RABEP1: variants seen among roughly 807,000 people sequenced by gnomAD.
The protein encoded by RABEP1 is rabaptin, RAB GTPase binding effector protein 1.
A neutral mutation model predicts 123.4 loss-of-function variants in RABEP1; 51 were observed. The observed-to-expected ratio is 0.41, with a 90% CI of 0.33 to 0.52. The LOEUF (loss-of-function observed/expected upper bound fraction) is 0.52. Among genes scored for constraint, RABEP1 ranks in the 20% least tolerant of loss-of-function variants. The pLI is 0.16. For missense variants in RABEP1, 888 were observed against 996.3 expected (o/e 0.89, Z 1.46); for synonymous variants, 347 against 355.2 (o/e 0.98, Z 0.26).
At chr17:5,370,182 T>A (rs1910415115) in intron 12 of RABEP1, among the ~76,000 whole-genome samples, 1 of 152,246 alleles carries the variant, frequency 6.6e-6, no homozygotes, top group Non-Finnish European at 1.5e-5. Context: ...CGTTAGTGCA[T>A]GCTTGCCCTT....
rs766373903 is a variant in RABEP1, at chr17:5,365,185, A to C, written c.1732A>C (p.Lys578Gln). 1 of 1,612,124 alleles carries C rather than the reference A, an allele frequency of 6.2e-7. No individual in the cohort carries two copies. Among genetic ancestry groups the C allele is most frequent in the Non-Finnish European group, 8.5e-7 (1 of 1,179,150 alleles). Reference sequence around the variant, plus strand: ...CCAGTTAGAGAAGACAATGAAAGATAAGCAGGAGCTGGAAGACTTCATAAA... The same window carrying C: ...CCAGTTAGAGAAGACAATGAAAGATCAGCAGGAGCTGGAAGACTTCATAAA... Reference protein sequence around the residue: ...NDQLEKTMKDKQELEDFIKQS... With the variant: ...NDQLEKTMKDQQELEDFIKQS... Residue 578 changes from lysine (K) to glutamine (Q), a missense_variant, in exon 11 of 18, where the codon AAG becomes CAG. Transcript: ENST00000537505.
At chr17:5,368,322 G>C (rs767490492) in intron 11 of RABEP1, 48 bp from the exon 12 acceptor site, 61 of 1,309,066 alleles carry the variant, frequency 4.7e-5, no homozygotes, top group Non-Finnish European at 6.4e-5. Context: ...GTTAGTTTCA[G>C]AATAACCGAT....
At chr17:5,350,160 C>T (rs1248354051) in intron 6 of RABEP1, among the ~76,000 whole-genome samples, 3 of 152,136 alleles carry the variant, frequency 2.0e-5, no homozygotes, top group African/African-American at 7.2e-5. Context: ...ACGGGCGGAT[C>T]ATGAGGTCAG....
At chr17:5,295,371 A>G (rs1210642523) in intron 1 of RABEP1, among the ~76,000 whole-genome samples, 2 of 150,240 alleles carry the variant, frequency 1.3e-5, no homozygotes, top group South Asian at 2.1e-4. Context: ...CCTGGGCAAC[A>G]GAGGAAGATT....
intron 12 of RABEP1, among the ~76,000 whole-genome samples, chr17:5,369,636 G>A (rs1910364423): frequency 6.6e-6 from 1 of 151,702 alleles, no homozygotes; most frequent in Non-Finnish European, 1.5e-5. Context: ...GCTAAATACT[G>A]ACAGTTTCAT....
At chr17:5,370,978 T>G (rs1910480913) in intron 12 of RABEP1, among the ~76,000 whole-genome samples, 1 of 150,458 alleles carries the variant, frequency 6.6e-6, no homozygotes, top group Non-Finnish European at 1.5e-5. Context: ...TTTTTTTTTT[T>G]GTTTTTGAGA....
chr17:5,298,778 T>C (rs7220067), intron 1 of RABEP1, among the ~76,000 whole-genome samples: 92,994 of 151,620 alleles, frequency 0.61, 30,227 homozygotes, highest in East Asian at 0.96. Flanking sequence ...GCCTCAGCCT[T>C]CTGAGTAGCT....
At position 5,313,746 on chromosome 17, in the gene RABEP1, C is replaced by G. The variant is rs112220273; in HGVS notation, c.163+4924C>G. Reference sequence around the variant, plus strand: ...GCTCAGTAAACTCAGTTGGCCACAGCGAACAGTTGGGGTAGCTTTTTACAA... The same window carrying G: ...GCTCAGTAAACTCAGTTGGCCACAGGGAACAGTTGGGGTAGCTTTTTACAA... On this transcript the variant is annotated intron_variant, in intron 2 of 17. Transcript: ENST00000537505. Among the ~76,000 whole-genome samples, 260 of 152,152 alleles carry G rather than the reference C, an allele frequency of 1.7e-3. 1 individual carries two copies. Among genetic ancestry groups the G allele is most frequent in the African/African-American group, 5.7e-3 (237 of 41,488 alleles).
chr17:5,361,285 TA>T lies in RABEP1; in HGVS notation c.1176del (p.Lys392AsnfsTer31). Reference protein sequence around the residue: ...LLLPSGDPFSKSDNDMFKDGL... With the variant: ...LLLPSGDPFSXSDNDMFKDGL... Reference sequence around the variant, plus strand: ...TGTTGCCATCTGGAGATCCTTTCAGTAAATCGGACAATGACATGTTTAAAGA... The same window carrying T: ...TGTTGCCATCTGGAGATCCTTTCAGTAATCGGACAATGACATGTTTAAAGA... On this transcript the variant is annotated frameshift_variant, in exon 9 of 18. Transcript: ENST00000537505. LOFTEE classifies it high-confidence loss of function. 6.2e-7 allele frequency: 1 copy of T among 1,614,166 alleles called. No homozygotes were observed.
Position 5,363,649 on chromosome 17 carries a change from T to C in RABEP1, c.1668+633T>C, listed in dbSNP as rs115712968. Among the ~76,000 whole-genome samples, 307 of 152,288 alleles carry C rather than the reference T, an allele frequency of 2.0e-3. 1 individual carries two copies. Among genetic ancestry groups the C allele is most frequent in the African/African-American group, 6.9e-3 (285 of 41,560 alleles). On this transcript the variant is annotated intron_variant, in intron 10 of 17. Coordinates refer to ENST00000537505, the MANE Select transcript of RABEP1 (RefSeq NM_004703.6). ...AGTACATGGCAAGTACTTTATGATA[T>C]GGAGATCTCAGGGAGATAAAAGGTT...
chr17:5,329,498 T>C (rs1056018571), intron 2 of RABEP1, among the ~76,000 whole-genome samples: 19 of 152,204 alleles, frequency 1.2e-4, no homozygotes, highest in Non-Finnish European at 2.5e-4. Flanking sequence ...GCCACTGCAC[T>C]CTAGCCTGGG....
At chr17:5,354,300 C>A in intron 7 of RABEP1, 59 bp from the exon 8 acceptor site, 1 of 1,457,798 alleles carries the variant, frequency 6.9e-7, no homozygotes, top group Non-Finnish European at 9.3e-7. Context: ...GGTTAAAGAA[C>A]TGTGTCACTT....
rs560450146 is a variant in RABEP1 at position 5,383,797 on chromosome 17, G to A, written c.*574G>A. ...GCTTTGGAGGACCTTAAATGCTACT[G>A]AAACTTACCTGAGAACCATAGGACT... On this transcript the variant is annotated 3_prime_UTR_variant, in exon 18 of 18. Transcript: ENST00000537505. 8 of 224,064 alleles carry A rather than the reference G, an allele frequency of 3.6e-5. No individual in the cohort carries two copies. Among genetic ancestry groups the A allele is most frequent in the Middle Eastern group, 1.3e-3 (1 of 744 alleles). 13.9% of individuals were successfully genotyped at this position (224,064 alleles called of 1,614,324 possible).
intron 8 of RABEP1, among the ~76,000 whole-genome samples, chr17:5,359,224 C>G (rs895214979): frequency 6.6e-6 from 1 of 152,066 alleles, no homozygotes; most frequent in Non-Finnish European, 1.5e-5. Flanking sequence ...CAGGCACCTG[C>G]CACCACGCCT....
Position 5,360,541 on chromosome 17 carries a change from G to A in RABEP1, c.1096-667G>A, listed in dbSNP as rs139604018. Reference sequence around the variant, plus strand: ...CGCGCCACTGCACTCCAGCCTGGGCGACAGAGCGAGACTCCGTCTCAGAAA... The same window carrying A: ...CGCGCCACTGCACTCCAGCCTGGGCAACAGAGCGAGACTCCGTCTCAGAAA... On this transcript the variant is annotated intron_variant, in intron 8 of 17. Transcript: ENST00000537505. Among the ~76,000 whole-genome samples the A allele has an allele frequency of 5.2e-4, 79 of 152,318 alleles. 1 individual carries two copies. The highest frequency in any genetic ancestry group is 1.7e-3 in the African/African-American group (72 of 41,576).
chr17:5,346,735 T>G, intron 5 of RABEP1, 55 bp from the exon 6 acceptor site: 1 of 1,404,640 alleles, frequency 7.1e-7, no homozygotes, highest in Non-Finnish European at 9.4e-7. Context: ...TCATTCTGTA[T>G]CTAAGATAGA....
At position 5,383,371 on chromosome 17, in the gene RABEP1, T is replaced by G. The variant is rs1351439559; in HGVS notation, c.*148T>G. On this transcript the variant is annotated 3_prime_UTR_variant, in exon 18 of 18. Transcript: ENST00000537505. ...ATGCTTACTTCTAGAGGGAGAAGACTGTGCGGCACAGGAAACAGCAAACAG... is the reference window on the plus strand; with the variant it reads ...ATGCTTACTTCTAGAGGGAGAAGACGGTGCGGCACAGGAAACAGCAAACAG... 1.5e-6 allele frequency: 1 copy of G among 674,398 alleles called. No homozygotes were observed. The highest frequency in any genetic ancestry group is 2.5e-6 in the Non-Finnish European group (1 of 395,580). 41.8% of individuals were successfully genotyped at this position (674,398 alleles called of 1,614,324 possible). A position where few individuals can be genotyped will look rare whatever the true frequency, so the allele number is the denominator to read the frequency against.
intron 11 of RABEP1, 116 bp from the exon 12 acceptor site, chr17:5,368,254 G>T (rs1910245984): frequency 8.4e-6 from 6 of 710,392 alleles, no homozygotes; most frequent in Non-Finnish European, 1.4e-5. Context: ...ATGGTCAGTG[G>T]TTCCCATGAA....
intron 2 of RABEP1, among the ~76,000 whole-genome samples, chr17:5,328,645 TAAAAAAAAAA>T (rs60062792): frequency 3.7e-5 from 2 of 54,124 alleles, no homozygotes; most frequent in East Asian, 7.5e-4. Flanking sequence ...GACGCTGTGT[TAAAAAAAAAA>T]AAAAAAAAAA....
Sources: allele counts gnomAD v4.1 joint callset (sites outside exome capture counted in the v4.1 genomes callset), GRCh38; gene constraint gnomAD v4.1.1; transcripts MANE v1.5; gene names NCBI Gene and HGNC (gene_info 2026-07-23, HGNC 2026-07-21).